TDRD12: variants seen among roughly 807,000 people sequenced by gnomAD.
The protein encoded by TDRD12 is tudor domain containing 12, also known as putative ATP-dependent RNA helicase TDRD12.
A neutral mutation model predicts 133.5 loss-of-function variants in TDRD12; 158 were observed. The ratio of observed to expected loss-of-function variants is 1.18; its 90% CI spans 1.04 to 1.35. The LOEUF (loss-of-function observed/expected upper bound fraction) is 1.35, where lower values mean the gene tolerates loss of function less well. Ranked by LOEUF, TDRD12 falls within the 40% of genes most tolerant of loss-of-function variation. TDRD12 has a pLI of 0.00. For missense variants in TDRD12, 1,443 were observed against 1,321.3 expected (o/e 1.09, Z -1.43); for synonymous variants, 460 against 477.9 (o/e 0.96, Z 0.49).
chr19:32,734,277 C>T (rs1599835008), intron 2 of TDRD12, among the ~76,000 whole-genome samples: 1 of 152,026 alleles, frequency 6.6e-6, no homozygotes, highest in African/African-American at 2.4e-5. Flanking sequence ...TTGTGTGGAT[C>T]AGTTTTCAAC....
intron 10 of TDRD12, among the ~76,000 whole-genome samples, chr19:32,776,869 T>C (rs897835956): frequency 5.9e-5 from 9 of 152,164 alleles, no homozygotes. Context: ...ATTTTCAGGA[T>C]TGGGGTAAAG....
intron 11 of TDRD12, among the ~76,000 whole-genome samples, chr19:32,781,309 T>C (rs1331359378): frequency 6.6e-6 from 1 of 152,198 alleles, no homozygotes; most frequent in African/African-American, 2.4e-5. Flanking sequence ...GGTTCTCACT[T>C]GTGTGTCTTT....
rs1034513468 is a variant in TDRD12, at chr19:32,788,798, G to A, written c.1122-1733G>A. Among the ~76,000 whole-genome samples the A allele has an allele frequency of 2.0e-5, 3 of 152,264 alleles. No homozygotes were observed. The South Asian group carries it at 6.2e-4, about 32-fold the overall frequency. On this transcript the variant is annotated intron_variant, in intron 11 of 27. Coordinates refer to ENST00000444215, the Ensembl canonical transcript of TDRD12. ...CCTGTGGGCTGTGGGTCTCTCTGGG[G>A]AGCGAGCTGCTGTGAGTACAGGGAC...
Position 32,802,934 on chromosome 19 carries a change from G to T in TDRD12, c.2344G>T (p.Glu782Ter). 1 of 1,535,604 alleles carries T rather than the reference G, an allele frequency of 6.5e-7. No individual in the cohort carries two copies. Among genetic ancestry groups the T allele is most frequent in the South Asian group, 1.2e-5 (1 of 83,950 alleles). Residue 782 changes from glutamate to a stop codon, truncating the protein, a stop_gained, in exon 21 of 28, where the codon GAA becomes TAA. Coordinates refer to ENST00000444215, the Ensembl canonical transcript of TDRD12. LOFTEE classifies it high-confidence loss of function. ...CCCCAATTTTCAGGGTTCTCCTGCA[G>T]AACAGGGAGATAAGAAAGCCAAATC...
At chr19:32,771,456 C>T (rs772639805) in intron 8 of TDRD12, among the ~76,000 whole-genome samples, 2 of 152,260 alleles carry the variant, frequency 1.3e-5, no homozygotes, top group African/African-American at 2.4e-5. Context: ...TTGCACTTGG[C>T]CTGTTTGGTT....
At chr19:32,748,380 A>C (rs1457888519) in intron 4 of TDRD12, 96 bp from the exon 5 acceptor site, 15 of 1,208,786 alleles carry the variant, frequency 1.2e-5, no homozygotes, top group Non-Finnish European at 1.8e-5. Context: ...TTCCATATGT[A>C]GTGTGAGAAA....
chr19:32,805,813 C>T (rs1971532133), intron 21 of TDRD12, among the ~76,000 whole-genome samples: 1 of 148,802 alleles, frequency 6.7e-6, no homozygotes, highest in African/African-American at 2.5e-5. Flanking sequence ...CTCACTGCAA[C>T]CTCCTCCTTC....
chr19:32,807,605 G>A (rs1324903493), exon 22 of TDRD12: 2 of 1,535,204 alleles, frequency 1.3e-6, no homozygotes, highest in South Asian at 2.4e-5. Flanking sequence ...GACTTGCCCA[G>A]GAAACTGTCC....
At chr19:32,744,499 C>CAAAAAAAAAA (rs10644749) in intron 4 of TDRD12, among the ~76,000 whole-genome samples, 12 of 38,100 alleles carry the variant, frequency 3.1e-4, no homozygotes, top group African/African-American at 5.2e-4. Context: ...GACTCCGTCT[C>CAAAAAAAAAA]AAAAAAAAAA....
At chr19:32,771,150 T>C (rs956261983) in intron 8 of TDRD12, among the ~76,000 whole-genome samples, 7 of 151,950 alleles carry the variant, frequency 4.6e-5, no homozygotes, top group Admixed American at 6.6e-5. Context: ...AGAGAGAAAG[T>C]GGAGGGAGTG....
exon 10 of TDRD12, chr19:32,827,277 GA>G: frequency 8.1e-7 from 1 of 1,229,864 alleles, no homozygotes; most frequent in Non-Finnish European, 1.0e-6. Context: ...ACGTCCTCAA[GA>G]GCGGCTGGAA....
chr19:32,733,470 CAAA>C (rs5827819), intron 2 of TDRD12, among the ~76,000 whole-genome samples: 1 of 143,128 alleles, frequency 7.0e-6, no homozygotes, highest in Non-Finnish European at 1.5e-5. Flanking sequence ...AACTCTGTCT[CAAA>C]AAAAAAAAAA....
chr19:32,740,140 C>T (rs1195977010), intron 3 of TDRD12, among the ~76,000 whole-genome samples: 1 of 137,638 alleles, frequency 7.3e-6, no homozygotes, highest in African/African-American at 2.8e-5. Context: ...CTCCTGGGTG[C>T]TCTCTGCATC....
chr19:32,743,419 G>T (rs1244011478), intron 4 of TDRD12, among the ~76,000 whole-genome samples: 1 of 141,226 alleles, frequency 7.1e-6, no homozygotes, highest in Non-Finnish European at 1.5e-5. Flanking sequence ...CTCCCTTCTT[G>T]CTTTCTTTTT....
chr19:32,719,925 C>A, exon 1 of TDRD12: 1 of 999,984 alleles, frequency 1.0e-6, no homozygotes, highest in Non-Finnish European at 1.5e-6. Flanking sequence ...GTGTGGGGCA[C>A]CTGCCGCGGG....
At chr19:32,766,584 G>C (rs1310918689) in intron 8 of TDRD12, among the ~76,000 whole-genome samples, 2 of 150,894 alleles carry the variant, frequency 1.3e-5, no homozygotes, top group African/African-American at 4.9e-5. Context: ...CACCTTTTGT[G>C]TTCCATTTTA....
At chr19:32,788,835 G>A (rs749452629) in intron 11 of TDRD12, among the ~76,000 whole-genome samples, 13 of 152,098 alleles carry the variant, frequency 8.5e-5, no homozygotes, top group South Asian at 2.1e-4. Context: ...TCTGAATTCC[G>A]TCCAGATGCC....
chr19:32,741,252 T>G (rs1389906851), intron 3 of TDRD12, among the ~76,000 whole-genome samples: 1 of 152,184 alleles, frequency 6.6e-6, no homozygotes, highest in Non-Finnish European at 1.5e-5. Flanking sequence ...CAGCTAATTT[T>G]TGTATTTTTA....
At chr19:32,723,790 T>TAA (rs1199732897) in intron 1 of TDRD12, among the ~76,000 whole-genome samples, 1 of 152,186 alleles carries the variant, frequency 6.6e-6, no homozygotes, top group East Asian at 1.9e-4. Flanking sequence ...CAGTGTTTTA[T>TAA]AACTTTCAGC....
Sources: allele counts gnomAD v4.1 joint callset (sites outside exome capture counted in the v4.1 genomes callset), GRCh38; gene constraint gnomAD v4.1.1; transcripts MANE v1.5; gene names NCBI Gene and HGNC (gene_info 2026-07-23, HGNC 2026-07-21).